Variants in ENAH observed in about 807,000 individuals in gnomAD.
The protein encoded by ENAH is protein enabled homolog.
ENAH carries 23 observed loss-of-function variants against 78.7 expected under a neutral mutation model. That is an observed-to-expected ratio of 0.29 (90% CI 0.21 to 0.41). The LOEUF is 0.41. Ranked by LOEUF, ENAH falls within the 10% of genes least tolerant of loss-of-function variation. ENAH has a pLI of 1.00. For synonymous variants in ENAH, 226 were observed against 241.0 expected (o/e 0.94, Z 0.58); for missense variants, 544 against 691.0 (o/e 0.79, Z 2.39).
chr1:225,538,261 G>A (rs1342625491), intron 3 of ENAH, among the ~76,000 whole-genome samples: 4 of 151,628 alleles, frequency 2.6e-5, no homozygotes, highest in East Asian at 1.9e-4. Flanking sequence ...ATGAGTTTAC[G>A]TTTGCTCAAA....
chr1:225,562,628 C>T (rs966059423), intron 2 of ENAH, among the ~76,000 whole-genome samples: 2 of 134,956 alleles, frequency 1.5e-5, no homozygotes, highest in African/African-American at 5.5e-5. Flanking sequence ...TACCCATAAG[C>T]ACTTAATAAA....
chr1:225,614,305 C>T (rs145133781), intron 1 of ENAH, among the ~76,000 whole-genome samples: 55 of 152,230 alleles, frequency 3.6e-4, no homozygotes, highest in African/African-American at 1.3e-3. Context: ...GTGATCCACC[C>T]ACCTCGGCCT....
intron 3 of ENAH, among the ~76,000 whole-genome samples, chr1:225,549,589 C>T (rs1394921175): frequency 3.3e-5 from 5 of 152,170 alleles, no homozygotes; most frequent in Non-Finnish European, 7.3e-5. Flanking sequence ...TCTGTAAGTG[C>T]CAATCTCATT....
intron 10 of ENAH, among the ~76,000 whole-genome samples, chr1:225,510,441 G>A (rs1314910934): frequency 1.3e-5 from 2 of 151,864 alleles, no homozygotes; most frequent in African/African-American, 4.8e-5. Context: ...ACATCTATGC[G>A]GTACTAATGA....
At chr1:225,633,637 T>G (rs1174847317) in intron 1 of ENAH, among the ~76,000 whole-genome samples, 1 of 152,194 alleles carries the variant, frequency 6.6e-6, no homozygotes, top group Non-Finnish European at 1.5e-5. Context: ...TCCTACACTG[T>G]AAAACAGCAA....
intron 5 of ENAH, among the ~76,000 whole-genome samples, chr1:225,518,432 C>A (rs1435067332): frequency 6.6e-6 from 1 of 152,134 alleles, no homozygotes; most frequent in South Asian, 2.1e-4. Context: ...GTTCAATGCT[C>A]CTATTCAATG....
chr1:225,562,849 TATA>T (rs2096715231), intron 2 of ENAH, among the ~76,000 whole-genome samples: 1 of 151,798 alleles, frequency 6.6e-6, no homozygotes, highest in South Asian at 2.1e-4. Flanking sequence ...GGCTCATGCC[TATA>T]ATCTCAGCTA....
chr1:225,556,579 A>G (rs182656670), intron 2 of ENAH, among the ~76,000 whole-genome samples: 2 of 152,162 alleles, frequency 1.3e-5, no homozygotes, highest in East Asian at 1.9e-4. Context: ...TATATTCTAG[A>G]TATGATATCA....
chr1:225,626,553 G>A (rs569700115), intron 1 of ENAH, among the ~76,000 whole-genome samples: 1 of 152,366 alleles, frequency 6.6e-6, no homozygotes, highest in East Asian at 1.9e-4. Flanking sequence ...CTATGAAGCA[G>A]AGAGCAGCAT....
At position 225,497,469 on chromosome 1, in the gene ENAH, A is replaced by C; in HGVS notation, c.*306T>G. The C allele has an allele frequency of 4.7e-6, 1 of 211,626 alleles. No individual in the cohort carries two copies. Among genetic ancestry groups the C allele is most frequent in the Non-Finnish European group, 9.4e-6 (1 of 106,410 alleles). The allele number at this position is 211,626 out of a possible 1,614,324, so 13.1% of individuals were successfully genotyped here. A position where few individuals can be genotyped will look rare whatever the true frequency, so the allele number is the denominator to read the frequency against. On this transcript the variant is annotated 3_prime_UTR_variant, in exon 14 of 14. Transcript: ENST00000366843. The stretch of plus-strand genomic sequence containing the variant: ...CTTTATCTTGATATGAAAATATTTC[A>C]ATGCGTGGTGATCTTGCCTGATGGG...
At position 225,606,842 on chromosome 1, in the gene ENAH, C is replaced by CAA. The variant is rs59168194; in HGVS notation, c.6-39430_6-39429dup. ...TGGACGACAGTGCAAGACTCTGTCTCAAAAAAAAAAAAAAAAAAAAAAAAA... is the reference window on the plus strand; with the variant it reads ...TGGACGACAGTGCAAGACTCTGTCTCAAAAAAAAAAAAAAAAAAAAAAAAAAA... On this transcript the variant is annotated intron_variant, in intron 1 of 13. Coordinates refer to ENST00000366843, the MANE Select transcript of ENAH (RefSeq NM_018212.6). Among the ~76,000 whole-genome samples the CAA allele has an allele frequency of 5.1e-3, 249 of 48,948 alleles. 8 individuals carry two copies. The highest frequency in any genetic ancestry group is 0.014 in the Admixed American group (51 of 3,638). 32.1% of individuals were successfully genotyped at this position (48,948 alleles called of 152,430 possible). A position where few individuals can be genotyped will look rare whatever the true frequency, so the allele number is the denominator to read the frequency against.
At chr1:225,601,624 T>C (rs913488905) in intron 1 of ENAH, among the ~76,000 whole-genome samples, 1 of 151,780 alleles carries the variant, frequency 6.6e-6, no homozygotes, top group African/African-American at 2.4e-5. Context: ...AAGAAATACA[T>C]CCCAATGGAC....
chr1:225,604,898 A>G (rs746912676), intron 1 of ENAH, among the ~76,000 whole-genome samples: 19 of 152,250 alleles, frequency 1.2e-4, no homozygotes, highest in Admixed American at 2.6e-4. Flanking sequence ...AAGTTAAATA[A>G]AACAAGATAT....
At chr1:225,507,352 T>C (rs957950498) in intron 11 of ENAH, among the ~76,000 whole-genome samples, 5 of 152,018 alleles carry the variant, frequency 3.3e-5, no homozygotes, top group African/African-American at 1.2e-4. Context: ...CATAAATATA[T>C]ATACATAAAA....
intron 1 of ENAH, among the ~76,000 whole-genome samples, chr1:225,585,171 A>G (rs1298673316): frequency 2.9e-5 from 4 of 137,252 alleles, no homozygotes; most frequent in African/African-American, 1.1e-4. Context: ...AGCTGAGCTC[A>G]TGCCACTGCA....
intron 1 of ENAH, among the ~76,000 whole-genome samples, chr1:225,647,111 A>C (rs551867585): frequency 2.6e-5 from 4 of 152,256 alleles, no homozygotes; most frequent in South Asian, 2.1e-4. Context: ...CTGTAGTCTC[A>C]GCTACTCGGG....
At chr1:225,535,299 T>A (rs1476099126) in intron 3 of ENAH, among the ~76,000 whole-genome samples, 1 of 152,142 alleles carries the variant, frequency 6.6e-6, no homozygotes, top group East Asian at 1.9e-4. Flanking sequence ...TAATTCTAAC[T>A]AATTCTAATG....
At chr1:225,532,526 ATAT>A (rs2096543036) in intron 3 of ENAH, among the ~76,000 whole-genome samples, 1 of 152,114 alleles carries the variant, frequency 6.6e-6, no homozygotes, top group Non-Finnish European at 1.5e-5. Context: ...ATCAAAGGTA[ATAT>A]TAATGGATTA....
At chr1:225,593,783 T>C (rs1227206832) in intron 1 of ENAH, among the ~76,000 whole-genome samples, 1 of 152,226 alleles carries the variant, frequency 6.6e-6, no homozygotes, top group African/African-American at 2.4e-5. Context: ...CTGGAACTTA[T>C]TGTCCTGTGC....
Sources: gnomAD v4.1 joint callset for allele counts (sites outside exome capture counted in the v4.1 genomes callset) on GRCh38, gnomAD v4.1.1 for gene constraint, MANE v1.5 for transcripts, NCBI Gene and HGNC (gene_info 2026-07-23, HGNC 2026-07-21) for gene names.